BTBD9: variants seen among roughly 807,000 people sequenced by gnomAD.
BTBD9 encodes the protein BTB domain containing 9.
A neutral mutation model predicts 64.3 loss-of-function variants in BTBD9; 49 were observed. That is an observed-to-expected ratio of 0.76 (90% confidence interval 0.61 to 0.97). The LOEUF (loss-of-function observed/expected upper bound fraction) is 0.97. Ranked by LOEUF, BTBD9 falls within the 50% of genes least tolerant of loss-of-function variation. The pLI is 0.00. For missense variants in BTBD9, 598 were observed against 762.1 expected (o/e 0.78, Z 2.53); for synonymous variants, 260 against 274.7 (o/e 0.95, Z 0.53).
chr6:38,534,054 C>T (rs1242354745), intron 6 of BTBD9, among the ~76,000 whole-genome samples: 4 of 151,570 alleles, frequency 2.6e-5, no homozygotes, highest in African/African-American at 9.7e-5. Context: ...GAAACTGAAA[C>T]AAACAAACAA....
At chr6:38,501,384 C>T (rs984350731) in intron 6 of BTBD9, among the ~76,000 whole-genome samples, 6 of 152,192 alleles carry the variant, frequency 3.9e-5, no homozygotes, top group African/African-American at 1.4e-4. Flanking sequence ...GTTCAAAATC[C>T]TTAACACTTC....
intron 4 of BTBD9, chr6:38,588,134 C>G: frequency 2.7e-6 from 2 of 749,018 alleles, no homozygotes; most frequent in South Asian, 1.5e-5. Context: ...GCAGCCTCAA[C>G]AGTATGGTAT....
Position 38,214,934 on chromosome 6 carries a change from A to G in BTBD9, c.1563-22337T>C, listed in dbSNP as rs114907276. ...TTTGCAGAGCTGAAGGCAGATGCCAAAAAGTCAAAAATTGCATTCAACAAG... is the reference window on the plus strand; with the variant it reads ...TTTGCAGAGCTGAAGGCAGATGCCAGAAAGTCAAAAATTGCATTCAACAAG... On this transcript the variant is annotated intron_variant, in intron 9 of 10. Coordinates refer to ENST00000481247, the MANE Select transcript of BTBD9 (RefSeq NM_001099272.2). Among the ~76,000 whole-genome samples, 790 of 152,348 alleles carry G rather than the reference A, an allele frequency of 5.2e-3. 9 individuals are homozygous for G. The highest frequency in any genetic ancestry group is 0.018 in the African/African-American group (738 of 41,574).
intron 7 of BTBD9, among the ~76,000 whole-genome samples, chr6:38,288,881 C>T (rs1474189811): frequency 1.3e-5 from 2 of 152,022 alleles, no homozygotes; most frequent in Non-Finnish European, 2.9e-5. Context: ...AAGCCAAGAT[C>T]GCATCACTGC....
chr6:38,266,615 A>G (rs1282390399), intron 8 of BTBD9, among the ~76,000 whole-genome samples: 12 of 17,912 alleles, frequency 6.7e-4, no homozygotes, highest in East Asian at 1.4e-3. Flanking sequence ...GGAAAGAAAG[A>G]AAGAAAGAAA....
At chr6:38,438,262 G>GAAGGAAC (rs1768845841) in intron 6 of BTBD9, among the ~76,000 whole-genome samples, 1 of 146,836 alleles carries the variant, frequency 6.8e-6, no homozygotes. Context: ...AAGGAAGGAA[G>GAAGGAAC]GAACAGACTA....
intron 8 of BTBD9, among the ~76,000 whole-genome samples, chr6:38,277,879 T>C (rs1174264594): frequency 1.3e-5 from 2 of 152,054 alleles, no homozygotes; most frequent in East Asian, 3.9e-4. Flanking sequence ...CCAAAGCACA[T>C]GTGAAATGGC....
chr6:38,303,420 T>C (rs1762485178), intron 7 of BTBD9, among the ~76,000 whole-genome samples: 1 of 152,188 alleles, frequency 6.6e-6, no homozygotes, highest in Non-Finnish European at 1.5e-5. Flanking sequence ...ATATGGAATA[T>C]TGGTTTTTTA....
intron 6 of BTBD9, among the ~76,000 whole-genome samples, chr6:38,392,508 AAG>A (rs1766464702): frequency 6.6e-6 from 1 of 150,954 alleles, no homozygotes; most frequent in Admixed American, 6.6e-5. Flanking sequence ...AATCTTGACT[AAG>A]CGTCTACTAT....
intron 9 of BTBD9, among the ~76,000 whole-genome samples, chr6:38,204,520 T>C (rs1056078501): frequency 3.3e-5 from 5 of 152,098 alleles, no homozygotes; most frequent in Admixed American, 6.5e-5. Flanking sequence ...AGAAAGTAGA[T>C]TAGTGGTTGC....
intron 6 of BTBD9, among the ~76,000 whole-genome samples, chr6:38,420,863 A>G (rs1362482189): frequency 6.6e-6 from 1 of 152,106 alleles, no homozygotes; most frequent in Non-Finnish European, 1.5e-5. Context: ...TCAAATAATA[A>G]TAATAATAAC....
chr6:38,343,727 T>G (rs1764184534), intron 7 of BTBD9, among the ~76,000 whole-genome samples: 1 of 152,210 alleles, frequency 6.6e-6, no homozygotes, highest in Non-Finnish European at 1.5e-5. Context: ...AAAATTATGT[T>G]CATAACAAAA....
chr6:38,481,629 G>C (rs9369063), intron 6 of BTBD9: 3 of 152,238 alleles, frequency 2.0e-5, no homozygotes, highest in African/African-American at 7.2e-5. Context: ...CCCCTAATGA[G>C]GCTGGCAGCA....
chr6:38,562,542 T>C (rs1348274211), intron 6 of BTBD9, among the ~76,000 whole-genome samples: 2 of 152,244 alleles, frequency 1.3e-5, no homozygotes, highest in Non-Finnish European at 2.9e-5. Context: ...ACTACTTGCT[T>C]AATCAATATT....
At chr6:38,560,642 T>C (rs1049305559) in intron 6 of BTBD9, among the ~76,000 whole-genome samples, 6 of 152,170 alleles carry the variant, frequency 3.9e-5, no homozygotes, top group Admixed American at 3.9e-4. Context: ...GGCAAATCCG[T>C]GTTACAGGGG....
chr6:38,303,253 T>C (rs1387839366), intron 7 of BTBD9, among the ~76,000 whole-genome samples: 1 of 152,144 alleles, frequency 6.6e-6, no homozygotes, highest in Non-Finnish European at 1.5e-5. Context: ...TGTTTTCTTC[T>C]AGTAGTTTTA....
chr6:38,483,344 G>C (rs1771250786), intron 6 of BTBD9, among the ~76,000 whole-genome samples: 1 of 151,912 alleles, frequency 6.6e-6, no homozygotes, highest in Non-Finnish European at 1.5e-5. Flanking sequence ...CCGAAAGACT[G>C]ACTTTTTAAG....
intron 6 of BTBD9, among the ~76,000 whole-genome samples, chr6:38,482,694 TG>T (rs1562246388): frequency 6.6e-6 from 1 of 152,032 alleles, no homozygotes; most frequent in Non-Finnish European, 1.5e-5. Flanking sequence ...GCCAGTTTAG[TG>T]GGGGAGACAG....
chr6:38,599,288 G>C (rs1777166654), intron 1 of BTBD9, among the ~76,000 whole-genome samples: 1 of 152,066 alleles, frequency 6.6e-6, no homozygotes, highest in African/African-American at 2.4e-5. Flanking sequence ...GAATGTACTT[G>C]CAGGTACTTA....
Sources: gnomAD v4.1 joint callset for allele counts (sites outside exome capture counted in the v4.1 genomes callset) on GRCh38, gnomAD v4.1.1 for gene constraint, MANE v1.5 for transcripts, NCBI Gene and HGNC (gene_info 2026-07-23, HGNC 2026-07-21) for gene names.